Variants in SIK3 observed in about 807,000 individuals in gnomAD.
SIK3 encodes SIK family kinase 3, also known as serine/threonine-protein kinase SIK3.
Under a neutral mutation model 144.2 loss-of-function variants are expected in SIK3, and 28 were observed. The ratio of observed to expected loss-of-function variants is 0.19; its 90% CI spans 0.14 to 0.27. The LOEUF (loss-of-function observed/expected upper bound fraction) is 0.27. Among genes scored for constraint, SIK3 ranks in the 10% least tolerant of loss-of-function variants. SIK3 has a pLI of 1.00. For synonymous variants in SIK3, 686 were observed against 676.3 expected, an observed-to-expected ratio of 1.01 and a Z score of -0.22; for missense variants, 1,319 against 1,776.0, an observed-to-expected ratio of 0.74 and a Z score of 4.62.
intron 1 of SIK3, among the ~76,000 whole-genome samples, chr11:117,028,637 A>T (rs1403869008): frequency 1.3e-5 from 2 of 149,992 alleles, no homozygotes; most frequent in East Asian, 3.9e-4. Context: ...CATGTCAAGG[A>T]AAAAAAAAAC....
intron 9 of SIK3, 155 bp from the exon 10 acceptor site, chr11:116,875,606 T>C: frequency 1.2e-6 from 1 of 851,260 alleles, no homozygotes; most frequent in East Asian, 2.7e-5. Context: ...GGAAGCATCC[T>C]GTGAAGAGGA....
At chr11:116,937,989 G>A (rs1314907536) in intron 3 of SIK3, among the ~76,000 whole-genome samples, 1 of 152,092 alleles carries the variant, frequency 6.6e-6, no homozygotes, top group Non-Finnish European at 1.5e-5. Context: ...TGGATCACTT[G>A]AGGCCAGGAG....
At chr11:117,019,070 A>G (rs1951657465) in intron 1 of SIK3, among the ~76,000 whole-genome samples, 1 of 147,406 alleles carries the variant, frequency 6.8e-6, no homozygotes, top group Admixed American at 6.8e-5. Context: ...CCCAGGCTGG[A>G]GTGCAGTGGC....
At chr11:117,044,297 G>C (rs766730828) in intron 1 of SIK3, among the ~76,000 whole-genome samples, 25 of 152,220 alleles carry the variant, frequency 1.6e-4, no homozygotes, top group Non-Finnish European at 2.9e-4. Context: ...AAAAAGTTTA[G>C]TACTTATAAA....
chr11:117,093,505 C>T (rs1213836802), intron 1 of SIK3, among the ~76,000 whole-genome samples: 1 of 152,158 alleles, frequency 6.6e-6, no homozygotes, highest in African/African-American at 2.4e-5. Context: ...AAATATTTCA[C>T]TTAAACCTAA....
intron 1 of SIK3, among the ~76,000 whole-genome samples, chr11:117,040,841 A>G (rs1952706831): frequency 6.6e-6 from 1 of 151,804 alleles, no homozygotes; most frequent in Non-Finnish European, 1.5e-5. Context: ...TTTTCATTGT[A>G]TATATTTAAG....
At chr11:116,945,680 G>A (rs1387120712) in intron 3 of SIK3, among the ~76,000 whole-genome samples, 2 of 151,990 alleles carry the variant, frequency 1.3e-5, no homozygotes, top group Non-Finnish European at 2.9e-5. Context: ...CACATGTCCT[G>A]TAAACTCTAA....
At chr11:116,933,290 G>A (rs567097061) in intron 3 of SIK3, among the ~76,000 whole-genome samples, 107 of 152,098 alleles carry the variant, frequency 7.0e-4, no homozygotes, top group African/African-American at 2.4e-3. Flanking sequence ...ACAGGCGTGC[G>A]CCACCACACC....
At chr11:116,961,283 AAGGAACTC>A (rs1192011937) in intron 1 of SIK3, among the ~76,000 whole-genome samples, 35 of 152,230 alleles carry the variant, frequency 2.3e-4, no homozygotes, top group African/African-American at 8.4e-4. Context: ...TTAACAGGGA[AAGGAACTC>A]AGCTCCTACC....
At position 116,876,942 on chromosome 11, in the gene SIK3, G is replaced by A. The variant is rs781403982; in HGVS notation, c.966C>T (p.Ala322=). 3 of 1,614,080 alleles carry A rather than the reference G, an allele frequency of 1.9e-6. No individual in the cohort carries two copies. Among genetic ancestry groups the A allele is most frequent in the Non-Finnish European group, 2.5e-6 (3 of 1,179,980 alleles). The change falls in exon 7 of 25, where the codon GCC becomes GCT. Residue 322 remains alanine (A), a synonymous_variant. Transcript: ENST00000445177. ...CKHKWMKLGD[A]DPNFDRLIAE... The stretch of plus-strand genomic sequence containing the variant: ...AGCTCACCCTGTCAAAGTTGGGATC[G>A]GCGTCCCCTAGCTTCATCCACTTGT...
At chr11:116,965,040 T>C (rs1351123191) in intron 1 of SIK3, among the ~76,000 whole-genome samples, 1 of 152,218 alleles carries the variant, frequency 6.6e-6, no homozygotes, top group African/African-American at 2.4e-5. Flanking sequence ...ACAGAAAGTT[T>C]ACTGAAAGTG....
Position 116,858,632 on chromosome 11 carries a change from C to T in SIK3, c.2833G>A (p.Asp945Asn), listed in dbSNP as rs752283787. 4 of 1,598,962 alleles carry T rather than the reference C, an allele frequency of 2.5e-6. No homozygotes were observed. The Admixed American group carries it at 7.0e-5, about 28-fold the overall frequency. ...QAHLHPHLFSDQSRGSPSSYS... is the reference protein window; with the variant it reads ...QAHLHPHLFSNQSRGSPSSYS... Reference sequence around the variant, plus strand: ...CTGCTGGGGGAACCCCGGGACTGGTCCGAAAACAGATGGGGGTGTAAATGC... The same window carrying T: ...CTGCTGGGGGAACCCCGGGACTGGTTCGAAAACAGATGGGGGTGTAAATGC... Residue 945 changes from aspartate to asparagine, a missense_variant, in exon 21 of 25, where the codon GAC (aspartate) becomes AAC (asparagine). This residue lies in a region of SIK3 where 646 missense variants were observed against 763.7 expected (regional missense o/e 0.85). Coordinates refer to ENST00000445177, the MANE Select transcript of SIK3 (RefSeq NM_001366686.3). This position sits in a 1 kb window ranked among gnomAD's most constrained non-coding sequence, Gnocchi z 5.4.
chr11:116,936,961 A>T (rs967964971), intron 3 of SIK3, among the ~76,000 whole-genome samples: 1 of 152,232 alleles, frequency 6.6e-6, no homozygotes, highest in African/African-American at 2.4e-5. Flanking sequence ...TTTAAAGTCC[A>T]GCTTAAAGGT....
chr11:116,921,459 A>G (rs962456998), intron 4 of SIK3, among the ~76,000 whole-genome samples: 1 of 152,176 alleles, frequency 6.6e-6, no homozygotes, highest in Non-Finnish European at 1.5e-5. Flanking sequence ...TTAACAAGTA[A>G]GATTCTAGAT....
chr11:116,915,564 T>TAGAC (rs1445670911), intron 4 of SIK3, among the ~76,000 whole-genome samples: 1 of 151,778 alleles, frequency 6.6e-6, no homozygotes, highest in Non-Finnish European at 1.5e-5. Context: ...GGATATAATA[T>TAGAC]AGATAGATAG....
At chr11:116,950,497 T>A (rs1022933687) in intron 3 of SIK3, among the ~76,000 whole-genome samples, 7 of 152,198 alleles carry the variant, frequency 4.6e-5, no homozygotes, top group Non-Finnish European at 7.4e-5. Context: ...CTAAAATCTT[T>A]AACTGGCACA....
At chr11:116,959,404 A>G (rs2135411783) in intron 1 of SIK3, among the ~76,000 whole-genome samples, 1 of 152,354 alleles carries the variant, frequency 6.6e-6, no homozygotes, top group African/African-American at 2.4e-5. Context: ...CTTTCTGTGC[A>G]TGCCATGATG....
chr11:116,920,513 T>C (rs1195632808), intron 4 of SIK3, among the ~76,000 whole-genome samples: 1 of 152,204 alleles, frequency 6.6e-6, no homozygotes, highest in Non-Finnish European at 1.5e-5. Context: ...AGAGCTTATT[T>C]GTGTTTACTG....
intron 15 of SIK3, 69 bp from the exon 16 acceptor site, chr11:116,863,887 C>T: frequency 6.9e-7 from 1 of 1,457,472 alleles, no homozygotes; most frequent in Non-Finnish European, 9.2e-7. Flanking sequence ...ACAGGGACTG[C>T]TGTTCCAGAT....
Sources: allele counts gnomAD v4.1 joint callset (sites outside exome capture counted in the v4.1 genomes callset), GRCh38; gene constraint gnomAD v4.1.1; regional missense constraint gnomAD v4.1.1; non-coding constraint Gnocchi (gnomAD v3.1); transcripts MANE v1.5; gene names NCBI Gene and HGNC (gene_info 2026-07-23, HGNC 2026-07-21).